CEBPZ: variants seen among roughly 807,000 people sequenced by gnomAD.
CEBPZ encodes CCAAT enhancer binding protein zeta, also known as CCAAT/enhancer-binding protein zeta.
Under a neutral mutation model 104.5 loss-of-function variants are expected in CEBPZ, and 78 were observed. The ratio of observed to expected loss-of-function variants is 0.75; its 90% confidence interval spans 0.62 to 0.90. The LOEUF is 0.90. Ranked by LOEUF, CEBPZ falls within the 40% of genes least tolerant of loss-of-function variation. The pLI, the probability that CEBPZ is intolerant of heterozygous loss-of-function variation, is 0.00. For missense variants in CEBPZ, 1,439 were observed against 1,233.5 expected (o/e 1.17, Z -2.50); for synonymous variants, 470 against 427.0 (o/e 1.10, Z -1.24).
intron 15 of CEBPZ, 26 bp from the exon 16 acceptor site, chr2:37,201,929 T>C (rs770781764): frequency 6.2e-7 from 1 of 1,608,254 alleles, no homozygotes; most frequent in Non-Finnish European, 8.5e-7. Flanking sequence ...AAAAGATGAG[T>C]GTACTACCAC....
chr2:37,212,757 G>C (rs971556189), intron 10 of CEBPZ: 1 of 177,088 alleles, frequency 5.6e-6, no homozygotes, highest in African/African-American at 2.4e-5. Flanking sequence ...AACATCTCAT[G>C]CTTGTAATTC....
At chr2:37,210,916 T>C in intron 13 of CEBPZ, 83 bp downstream of exon 13, 2 of 887,612 alleles carry the variant, frequency 2.3e-6, no homozygotes, top group Non-Finnish European at 3.4e-6. Context: ...TTAATCAAAT[T>C]TAGGAGAGTT....
rs1312546824 is a variant in CEBPZ at position 37,211,854 on chromosome 2, T to C, written c.2789A>G (p.Glu930Gly). ...TFMDVLDDES[E>G]SVPELEVHSK... ...TAAAAAATGCTTACCTGGAACGCTC[T>C]CACTTTCATCATCTAACACATCCAT... is the stretch of plus-strand genomic sequence containing the variant. The change falls in exon 12 of 16, where the codon GAG (glutamate) becomes GGG (glycine). Residue 930 changes from glutamate to glycine, a missense_variant. By Grantham distance (98) the Glu-to-Gly change is moderately conservative. Coordinates refer to ENST00000234170, the MANE Select transcript of CEBPZ (RefSeq NM_005760.3). 1 of 1,599,240 alleles carries C rather than the reference T, an allele frequency of 6.3e-7. No homozygotes were observed. Among genetic ancestry groups the C allele is most frequent in the East Asian group, 2.2e-5 (1 of 44,736 alleles).
intron 13 of CEBPZ, 63 bp from the exon 14 acceptor site, chr2:37,203,071 T>G (rs1246913690): frequency 9.1e-7 from 1 of 1,102,476 alleles, no homozygotes; most frequent in Non-Finnish European, 1.3e-6. Flanking sequence ...AAAAATGCAA[T>G]GCAACATGAT....
chr2:37,211,428 G>A (rs921030362), intron 12 of CEBPZ: 2 of 235,040 alleles, frequency 8.5e-6, no homozygotes, highest in African/African-American at 4.5e-5. Context: ...TGAAAGGACA[G>A]AAAGGTCAGA....
chr2:37,213,824 G>C, intron 10 of CEBPZ, 40 bp downstream of exon 10: 1 of 1,332,578 alleles, frequency 7.5e-7, no homozygotes, highest in Non-Finnish European at 1.1e-6. Flanking sequence ...TTAACACATA[G>C]TAGTAGATTA....
chr2:37,216,935 A>G (rs1437728296), intron 6 of CEBPZ, 49 bp downstream of exon 6: 1 of 1,434,060 alleles, frequency 7.0e-7, no homozygotes, highest in South Asian at 1.2e-5. Context: ...ATTATCTAAA[A>G]TGATACTTTT....
chr2:37,223,935 C>T (rs1404048134), intron 2 of CEBPZ, among the ~76,000 whole-genome samples: 1 of 152,230 alleles, frequency 6.6e-6, no homozygotes, highest in Non-Finnish European at 1.5e-5. Flanking sequence ...TAACATTCCT[C>T]TCATACACGC....
chr2:37,212,697 CT>C, intron 10 of CEBPZ: 1 of 375,146 alleles, frequency 2.7e-6, no homozygotes, highest in East Asian at 5.6e-5. Context: ...CCTTTTTACT[CT>C]ATTAGAACTA....
intron 13 of CEBPZ, among the ~76,000 whole-genome samples, chr2:37,207,423 A>C (rs939924092): frequency 2.0e-5 from 3 of 152,214 alleles, no homozygotes; most frequent in Non-Finnish European, 4.4e-5. Context: ...GTCTCAATAA[A>C]CTTAAGAAAA....
At chr2:37,207,047 A>G (rs1165988282) in intron 13 of CEBPZ, among the ~76,000 whole-genome samples, 5 of 152,232 alleles carry the variant, frequency 3.3e-5, no homozygotes, top group African/African-American at 1.2e-4. Flanking sequence ...AACAGTTAAA[A>G]AAGACAAAGA....
At chr2:37,229,463 A>T (rs1013764621) in intron 1 of CEBPZ, among the ~76,000 whole-genome samples, 4 of 152,242 alleles carry the variant, frequency 2.6e-5, no homozygotes, top group African/African-American at 9.6e-5. Context: ...AGGTTTAGAC[A>T]AATCCACATT....
intron 5 of CEBPZ, among the ~76,000 whole-genome samples, chr2:37,218,175 G>A (rs950056604): frequency 1.3e-5 from 2 of 152,036 alleles, no homozygotes; most frequent in East Asian, 3.9e-4. Flanking sequence ...GCTGAGGCAG[G>A]AGGATGGTGT....
chr2:37,226,870 T>C (rs2148362441), intron 2 of CEBPZ, among the ~76,000 whole-genome samples: 1 of 152,258 alleles, frequency 6.6e-6, no homozygotes, highest in South Asian at 2.1e-4. Flanking sequence ...ATGGGTGAGT[T>C]GCAAAATTCA....
intron 10 of CEBPZ, 106 bp downstream of exon 10, chr2:37,213,758 A>T: frequency 1.4e-6 from 1 of 715,736 alleles, no homozygotes; most frequent in Non-Finnish European, 2.3e-6. Context: ...TGATATTCTT[A>T]GCTAAGTGAT....
rs1665096727 is a variant in CEBPZ, at chr2:37,231,416, G to A, written c.152C>T (p.Thr51Ile). The A allele has an allele frequency of 1.2e-6, 2 of 1,613,938 alleles. No homozygotes were observed. The highest frequency in any genetic ancestry group is 1.7e-6 in the Non-Finnish European group (2 of 1,179,982). ...CCCGGAGCCCGCGGCCGTTACCTTG[G>A]TGCCTCCGAGCCGTAACACTTCCTC... ...SLEEVLRLGGTKQDYLMLATL... is the reference protein window; with the variant it reads ...SLEEVLRLGGIKQDYLMLATL... Residue 51 changes from threonine to isoleucine, a missense_variant, in exon 1 of 16, where the codon ACC becomes ATC. Thr to Ile is a moderately conservative substitution (Grantham distance 89). Coordinates refer to ENST00000234170, the MANE Select transcript of CEBPZ (RefSeq NM_005760.3).
chr2:37,203,060 GA>G (rs772417630), intron 13 of CEBPZ, 52 bp from the exon 14 acceptor site: 38 of 1,236,800 alleles, frequency 3.1e-5, no homozygotes, highest in Non-Finnish European at 4.1e-5. Flanking sequence ...AATGATTTTA[GA>G]AAAATGCAAT....
At chr2:37,208,702 A>G (rs1369181201) in intron 13 of CEBPZ, among the ~76,000 whole-genome samples, 1 of 152,188 alleles carries the variant, frequency 6.6e-6, no homozygotes, top group Non-Finnish European at 1.5e-5. Context: ...AACAGGGAAA[A>G]GTTGAAAGCA....
chr2:37,231,396 A>C lies in CEBPZ; in HGVS notation c.156+16T>G. On this transcript the variant is annotated intron_variant, in intron 1 of 15. Transcript: ENST00000234170. ...CTCCACGCCTGATCCCGTTCCCCGG[A>C]GCCCGCGGCCGTTACCTTGGTGCCT... 6.2e-7 allele frequency: 1 copy of C among 1,613,552 alleles called. No homozygotes were observed. Among genetic ancestry groups the C allele is most frequent in the Non-Finnish European group, 8.5e-7 (1 of 1,179,934 alleles).
Sources: gnomAD v4.1 joint callset for allele counts (sites outside exome capture counted in the v4.1 genomes callset) on GRCh38, gnomAD v4.1.1 for gene constraint, MANE v1.5 for transcripts, NCBI Gene and HGNC (gene_info 2026-07-23, HGNC 2026-07-21) for gene names.